ARHGEF26: variants seen among roughly 807,000 people sequenced by gnomAD.
ARHGEF26 encodes Rho guanine nucleotide exchange factor (GEF) 26.
Under a neutral mutation model 89.4 loss-of-function variants are expected in ARHGEF26, and 59 were observed. The observed-to-expected ratio is 0.66, with a 90% CI of 0.54 to 0.82. ARHGEF26 has a LOEUF of 0.82. Ranked by LOEUF, ARHGEF26 falls within the 40% of genes least tolerant of loss-of-function variation. The pLI is 0.00. For missense variants in ARHGEF26, 1,234 were observed against 1,085.6 expected (o/e 1.14, Z -1.92); for synonymous variants, 500 against 428.4 (o/e 1.17, Z -2.06).
At chr3:154,252,552 C>T (rs935210718) in intron 12 of ARHGEF26, among the ~76,000 whole-genome samples, 1 of 152,090 alleles carries the variant, frequency 6.6e-6, no homozygotes, top group Non-Finnish European at 1.5e-5. Flanking sequence ...TTTTCCTGTG[C>T]TCATTAAACC....
intron 3 of ARHGEF26, 110 bp downstream of exon 3, chr3:154,124,559 ACTT>A (rs1300698177): frequency 1.1e-5 from 11 of 968,778 alleles, no homozygotes; most frequent in Middle Eastern, 2.2e-4. Flanking sequence ...AATATGTCCA[ACTT>A]CTTCTCAAAT....
intron 6 of ARHGEF26, among the ~76,000 whole-genome samples, chr3:154,186,263 G>A (rs559063462): frequency 2.2e-4 from 34 of 151,854 alleles, no homozygotes; most frequent in African/African-American, 6.0e-4. Flanking sequence ...ATAGATATTC[G>A]TATGCAGATG....
Position 154,122,527 on chromosome 3 carries a change from G to A in ARHGEF26, c.535G>A (p.Ala179Thr). The part of the protein sequence containing the change: ...PVPSPTANGL[A>T]ANNDSPGSGS... ...GCCTTCGCCCACTGCAAATGGCCTT[G>A]CCGCTAATAACGACTCTCCTGGGTC... The change falls in exon 2 of 15, where the codon GCC (alanine) becomes ACC (threonine). Residue 179 changes from alanine to threonine, a missense_variant. Physicochemically the swap from Ala to Thr is moderately conservative, Grantham distance 58. Transcript: ENST00000465093. The A allele has an allele frequency of 3.1e-6, 5 of 1,613,494 alleles. No homozygotes were observed. The highest frequency in any genetic ancestry group is 4.2e-6 in the Non-Finnish European group (5 of 1,179,902).
Position 154,256,481 on chromosome 3 carries a change from C to T in ARHGEF26, c.*1008C>T. ...TCAAGTGATCCACCAGAGAGGAGAT[C>T]CTCGGCCTCCCCAAGTGCTGGGATT... On this transcript the variant is annotated 3_prime_UTR_variant, in exon 15 of 15. Coordinates refer to ENST00000465093, the MANE Select transcript of ARHGEF26 (RefSeq NM_015595.4). The T allele has an allele frequency of 5.4e-6, 5 of 919,778 alleles. No homozygotes were observed. Among genetic ancestry groups the T allele is most frequent in the Middle Eastern group, 5.6e-4 (1 of 1,792 alleles). The allele number at this position is 919,778 out of a possible 1,614,324, so 57.0% of individuals were successfully genotyped here. A position where few individuals can be genotyped will look rare whatever the true frequency, so the allele number is the denominator to read the frequency against.
At chr3:154,168,752 A>G (rs2108133792) in intron 6 of ARHGEF26, among the ~76,000 whole-genome samples, 1 of 152,314 alleles carries the variant, frequency 6.6e-6, no homozygotes, top group African/African-American at 2.4e-5. Context: ...GATACAGGCA[A>G]ATAAAAATGG....
chr3:154,190,146 C>T (rs1219982484), intron 7 of ARHGEF26, among the ~76,000 whole-genome samples: 4 of 152,108 alleles, frequency 2.6e-5, no homozygotes, highest in African/African-American at 9.7e-5. Flanking sequence ...CTCTACAGAG[C>T]TCCTCATGGG....
chr3:154,199,999 T>C (rs1196074893), intron 9 of ARHGEF26, among the ~76,000 whole-genome samples: 2 of 152,120 alleles, frequency 1.3e-5, no homozygotes, highest in Admixed American at 6.6e-5. Context: ...TTTCCTTCTA[T>C]TCTGGGGGTT....
chr3:154,185,660 C>G (rs979554879), intron 6 of ARHGEF26, among the ~76,000 whole-genome samples: 12 of 152,146 alleles, frequency 7.9e-5, no homozygotes, highest in African/African-American at 2.7e-4. Context: ...TGTGGAGGCT[C>G]CATTACATAG....
At chr3:154,244,154 C>T (rs1166959205) in intron 12 of ARHGEF26, among the ~76,000 whole-genome samples, 1 of 152,146 alleles carries the variant, frequency 6.6e-6, no homozygotes, top group Non-Finnish European at 1.5e-5. Context: ...TATAATTTCA[C>T]TACTTACTCT....
Position 154,129,611 on chromosome 3 carries a change from C to G in ARHGEF26, c.1161C>G (p.Ala387=), listed in dbSNP as rs367845420. 9.9e-6 allele frequency: 16 copies of G among 1,611,614 alleles called. No homozygotes were observed. The highest frequency in any genetic ancestry group is 1.4e-5 in the Non-Finnish European group (16 of 1,178,846). The part of the protein sequence containing the change: ...AVLYQNYKEK[A]LDIDSDEESE... ...TGTATCAAAACTACAAGGAAAAGGC[C>G]CTTGACATTGATTCTGATGAAGAGT... The change falls in exon 4 of 15, where the codon GCC becomes GCG. Residue 387 remains alanine (A), a synonymous_variant. Coordinates refer to ENST00000465093, the MANE Select transcript of ARHGEF26 (RefSeq NM_015595.4).
chr3:154,194,833 A>G (rs1459200995), intron 9 of ARHGEF26, 115 bp downstream of exon 9: 2 of 833,936 alleles, frequency 2.4e-6, no homozygotes, highest in Non-Finnish European at 3.9e-6. Flanking sequence ...CCATTTGTAC[A>G]GCGTTCTTTA....
At position 154,186,787 on chromosome 3, in the gene ARHGEF26, G is replaced by A. The variant is rs528127782; in HGVS notation, c.1488-898G>A. ...AGAAGAAAGAAAGAAAGAGGGAAAG[G>A]GAGGGAGGGATTTAAATATCATGTA... On this transcript the variant is annotated intron_variant, in intron 6 of 14. Transcript: ENST00000465093. 4.6e-5 allele frequency among the ~76,000 whole-genome samples: 7 copies of A among 151,668 alleles called. No individual in the cohort carries two copies. In the South Asian group the frequency reaches 1.3e-3, roughly 27 times the overall value.
chr3:154,192,375 G>C (rs540463810), intron 8 of ARHGEF26, among the ~76,000 whole-genome samples: 75 of 152,276 alleles, frequency 4.9e-4, no homozygotes, highest in Non-Finnish European at 8.4e-4. Context: ...CTTTAAAAAT[G>C]CTGAAATTTT....
intron 6 of ARHGEF26, among the ~76,000 whole-genome samples, chr3:154,164,647 T>C (rs1711888033): frequency 6.6e-6 from 1 of 152,154 alleles, no homozygotes; most frequent in Admixed American, 6.5e-5. Context: ...CATTGGAATT[T>C]CTTTTCTAGC....
chr3:154,169,087 G>A (rs886562337), intron 6 of ARHGEF26, among the ~76,000 whole-genome samples: 36 of 152,028 alleles, frequency 2.4e-4, no homozygotes, highest in African/African-American at 8.5e-4. Context: ...TTACTTTATA[G>A]ATGAGGAAAG....
rs1560033643 is a variant in ARHGEF26, at chr3:154,122,426, G to GT, written c.434_435insT (p.Arg148AlafsTer4). On this transcript the variant is annotated frameshift_variant, in exon 2 of 15. Coordinates refer to ENST00000465093, the MANE Select transcript of ARHGEF26 (RefSeq NM_015595.4). LOFTEE classifies it high-confidence loss of function. ...GCGCCGCCGCCGCCGCCGGTTCTGC[G>GT]CCCCCCGCGGACTCCTAACGCGCCC... The GT allele has an allele frequency of 1.2e-6, 2 of 1,610,916 alleles. No homozygotes were observed. The highest frequency in any genetic ancestry group is 1.7e-6 in the Non-Finnish European group (2 of 1,179,030).
At chr3:154,123,358 C>CTGAG (rs1411348788) in intron 2 of ARHGEF26, among the ~76,000 whole-genome samples, 2 of 152,096 alleles carry the variant, frequency 1.3e-5, no homozygotes, top group South Asian at 4.2e-4. Flanking sequence ...AGATTATTGG[C>CTGAG]TGAGTGAGTC....
rs1718528053 is a variant in ARHGEF26 at position 154,256,619 on chromosome 3, G to A, written c.*1146G>A. 7.4e-6 allele frequency: 8 copies of A among 1,077,566 alleles called. No homozygotes were observed. In the South Asian group the frequency reaches 2.8e-4, roughly 37 times the overall value. 66.8% of individuals were successfully genotyped at this position (1,077,566 alleles called of 1,614,324 possible). ...TAAAAAACTGACGTGAGGCTGCTTT[G>A]CCTTCAATAATACCTAGTTTTCAGC... On this transcript the variant is annotated 3_prime_UTR_variant, in exon 15 of 15. Coordinates refer to ENST00000465093, the MANE Select transcript of ARHGEF26 (RefSeq NM_015595.4).
intron 6 of ARHGEF26, among the ~76,000 whole-genome samples, chr3:154,173,467 A>G (rs1410159906): frequency 1.3e-5 from 2 of 152,228 alleles, no homozygotes; most frequent in Non-Finnish European, 2.9e-5. Context: ...CAGTTCTTAC[A>G]GAGTATCAAT....
Sources: gnomAD v4.1 joint callset for allele counts (sites outside exome capture counted in the v4.1 genomes callset) on GRCh38, gnomAD v4.1.1 for gene constraint, MANE v1.5 for transcripts, NCBI Gene and HGNC (gene_info 2026-07-23, HGNC 2026-07-21) for gene names.